The following FNDC3B variants were observed in gnomAD, a reference collection of about 807,000 sequenced individuals.
The protein encoded by FNDC3B is fibronectin type III domain containing 3B.
In FNDC3B, 12 loss-of-function variants were observed where a neutral mutation model predicts 151.5. The ratio of observed to expected loss-of-function variants is 0.08; its 90% CI spans 0.05 to 0.13. FNDC3B has a LOEUF of 0.13. Among genes scored for constraint, FNDC3B ranks in the 10% least tolerant of loss-of-function variants. The pLI is 1.00. For synonymous variants in FNDC3B, 528 were observed against 549.0 expected (o/e 0.96, Z 0.54); for missense variants, 1,214 against 1,505.3 (o/e 0.81, Z 3.20).
chr3:172,296,311 T>A (rs553205861), intron 8 of FNDC3B, among the ~76,000 whole-genome samples: 1 of 152,298 alleles, frequency 6.6e-6, no homozygotes, highest in East Asian at 1.9e-4. Flanking sequence ...TCTCCCCTAT[T>A]TTCCTGCTGC....
At chr3:172,109,239 C>T (rs913965378) in intron 1 of FNDC3B, among the ~76,000 whole-genome samples, 4 of 149,090 alleles carry the variant, frequency 2.7e-5, no homozygotes, top group African/African-American at 7.5e-5. Context: ...GATCTCGGCT[C>T]CCTGCAAGCT....
intron 3 of FNDC3B, among the ~76,000 whole-genome samples, chr3:172,171,815 G>T (rs1318970751): frequency 2.0e-5 from 3 of 151,942 alleles, no homozygotes; most frequent in Non-Finnish European, 4.4e-5. Flanking sequence ...TCCAATAGTG[G>T]GGTTTTCCCC....
intron 25 of FNDC3B, among the ~76,000 whole-genome samples, chr3:172,390,987 C>T (rs1735980328): frequency 6.6e-6 from 1 of 152,062 alleles, no homozygotes; most frequent in Admixed American, 6.6e-5. Flanking sequence ...GAAACCTGGA[C>T]CCGGTGTCAC....
chr3:172,165,882 G>T (rs1259113846), intron 3 of FNDC3B, among the ~76,000 whole-genome samples: 2 of 152,106 alleles, frequency 1.3e-5, no homozygotes, highest in Non-Finnish European at 2.9e-5. Context: ...AGAAATTCAG[G>T]AATATTTTAA....
At chr3:172,070,589 T>C (rs1717727488) in intron 1 of FNDC3B, among the ~76,000 whole-genome samples, 1 of 152,258 alleles carries the variant, frequency 6.6e-6, no homozygotes, top group Non-Finnish European at 1.5e-5. Context: ...GTGAAACTAA[T>C]GTATCTTTGC....
intron 1 of FNDC3B, among the ~76,000 whole-genome samples, chr3:172,062,318 T>C (rs1410208737): frequency 1.3e-5 from 2 of 151,018 alleles, no homozygotes; most frequent in South Asian, 2.1e-4. Flanking sequence ...CCTCCTTCTT[T>C]TTTTTTTTTT....
At chr3:172,392,255 A>G (rs987474808) in intron 25 of FNDC3B, among the ~76,000 whole-genome samples, 2 of 152,238 alleles carry the variant, frequency 1.3e-5, no homozygotes, top group African/African-American at 4.8e-5. Flanking sequence ...TTGTAACTCA[A>G]ACAGCTAAGA....
At chr3:172,291,604 C>T (rs1730344293) in intron 7 of FNDC3B, among the ~76,000 whole-genome samples, 1 of 152,194 alleles carries the variant, frequency 6.6e-6, no homozygotes, top group Admixed American at 6.5e-5. Context: ...CTTTATATTA[C>T]TATTGCAGAA....
chr3:172,343,092 C>T lies in FNDC3B; in HGVS notation c.2053C>T (p.His685Tyr), dbSNP rs750736049. 3 of 1,606,674 alleles carry T rather than the reference C, an allele frequency of 1.9e-6. No homozygotes were observed. Among genetic ancestry groups the T allele is most frequent in the South Asian group, 2.2e-5 (2 of 90,918 alleles). The change falls in exon 18 of 26, where the codon CAC becomes TAC. Residue 685 changes from histidine to tyrosine, a missense_variant. Physicochemically the swap from His to Tyr is moderately conservative, Grantham distance 83. Coordinates refer to ENST00000415807, the MANE Select transcript of FNDC3B (RefSeq NM_022763.4). ...ACCGAGGGTTTTGGGTAGACCAAAG[C>T]ACAAAGAAGTCCACTTAGAGTGGGG... ...RPPRVLGRPKHKEVHLEWDVP... is the reference protein window; with the variant it reads ...RPPRVLGRPKYKEVHLEWDVP...
chr3:172,246,685 G>A (rs1727794138), intron 4 of FNDC3B, among the ~76,000 whole-genome samples: 1 of 152,182 alleles, frequency 6.6e-6, no homozygotes, highest in South Asian at 2.1e-4. Context: ...CCAGTTCAAG[G>A]CTGTAGTGTA....
chr3:172,197,946 A>T (rs1447571909), intron 3 of FNDC3B, among the ~76,000 whole-genome samples: 1 of 152,256 alleles, frequency 6.6e-6, no homozygotes, highest in Non-Finnish European at 1.5e-5. Context: ...GTAAGGTGGT[A>T]GTTCAAAGTG....
At chr3:172,244,879 G>C (rs1050507786) in intron 4 of FNDC3B, among the ~76,000 whole-genome samples, 3 of 151,954 alleles carry the variant, frequency 2.0e-5, no homozygotes, top group Admixed American at 6.6e-5. Flanking sequence ...ACCTGCCTCG[G>C]CCTCCCAAAG....
chr3:172,330,429 T>C lies in FNDC3B; in HGVS notation c.1380-112T>C, dbSNP rs1576917572. ...CACAGCATCCTTACCTGGCTTTGCT[T>C]ACTCTACCTGCTAGGCTGAGTTGGG... On this transcript the variant is annotated intron_variant, in intron 12 of 25. Transcript: ENST00000415807. 4.7e-5 allele frequency: 42 copies of C among 890,674 alleles called. No individual in the cohort carries two copies. In the East Asian group the frequency reaches 1.0e-3, roughly 22 times the overall value. The allele number at this position is 890,674 out of a possible 1,614,324, so 55.2% of individuals were successfully genotyped here. A position where few individuals can be genotyped will look rare whatever the true frequency, so the allele number is the denominator to read the frequency against.
chr3:172,169,263 C>T (rs1326805180), intron 3 of FNDC3B, among the ~76,000 whole-genome samples: 2 of 152,128 alleles, frequency 1.3e-5, no homozygotes, highest in African/African-American at 2.4e-5. Flanking sequence ...ATACTCGAGC[C>T]CACCAAAGGA....
At chr3:172,334,481 T>C (rs1732849482) in intron 14 of FNDC3B, among the ~76,000 whole-genome samples, 1 of 152,226 alleles carries the variant, frequency 6.6e-6, no homozygotes. Context: ...TCGCTCTTGT[T>C]GCCCAGGCTG....
chr3:172,293,361 A>ATT (rs1730437682), intron 7 of FNDC3B, among the ~76,000 whole-genome samples: 1 of 152,138 alleles, frequency 6.6e-6, no homozygotes, highest in South Asian at 2.1e-4. Context: ...GCTAGTCTGG[A>ATT]GCTATAGCAG....
chr3:172,239,451 C>G (rs1727352496), intron 4 of FNDC3B, among the ~76,000 whole-genome samples: 1 of 152,126 alleles, frequency 6.6e-6, no homozygotes, highest in Non-Finnish European at 1.5e-5. Context: ...TCATTTGGTC[C>G]CAGTTTTCTG....
At chr3:172,347,904 G>A (rs937173631) in intron 21 of FNDC3B, among the ~76,000 whole-genome samples, 1 of 152,176 alleles carries the variant, frequency 6.6e-6, no homozygotes, top group African/African-American at 2.4e-5. Flanking sequence ...ATAACATCAA[G>A]AAAAATTGGT....
intron 17 of FNDC3B, among the ~76,000 whole-genome samples, chr3:172,342,714 G>A (rs774129405): frequency 1.3e-5 from 2 of 152,152 alleles, no homozygotes; most frequent in African/African-American, 2.4e-5. Context: ...TGATTTGAAG[G>A]AAAAGAATTG....
Sources: gnomAD v4.1 joint callset for allele counts (sites outside exome capture counted in the v4.1 genomes callset) on GRCh38, gnomAD v4.1.1 for gene constraint, MANE v1.5 for transcripts, NCBI Gene and HGNC (gene_info 2026-07-23, HGNC 2026-07-21) for gene names.